The following MAP3K19 variants were observed in gnomAD, a reference collection of about 807,000 sequenced individuals.
MAP3K19 encodes the protein SPS1/STE20-related protein kinase YSK4.
MAP3K19 carries 91 observed loss-of-function variants against 114.4 expected under a neutral mutation model. The observed-to-expected ratio is 0.80, with a 90% CI of 0.67 to 0.95. The LOEUF (loss-of-function observed/expected upper bound fraction) is 0.95, where lower values mean the gene tolerates loss of function less well. Among genes scored for constraint, MAP3K19 ranks in the 40% least tolerant of loss-of-function variants. MAP3K19 has a pLI of 0.00. For synonymous variants in MAP3K19, 518 were observed against 530.5 expected (o/e 0.98, Z 0.32); for missense variants, 1,471 against 1,573.2 (o/e 0.94, Z 1.10).
chr2:134,967,257 T>C (rs192598752), intron 12 of MAP3K19, among the ~76,000 whole-genome samples: 3 of 152,306 alleles, frequency 2.0e-5, no homozygotes, highest in East Asian at 3.9e-4. Context: ...AGCGCCGTAT[T>C]GTCCAAAGTT....
rs1559166816 is a variant in MAP3K19, at chr2:134,999,124, A to T, written c.315-127T>A. 1.8e-6 allele frequency: 2 copies of T among 1,113,636 alleles called. No homozygotes were observed. Among genetic ancestry groups the T allele is most frequent in the Admixed American group, 4.5e-5 (2 of 43,996 alleles). 69.0% of individuals were successfully genotyped at this position (1,113,636 alleles called of 1,614,324 possible). ...ACTTCCAAATGGTGCTGCTGAAAGGAAAGGCTGAATCCTGAGAGGGTAAGA... is the reference window on the plus strand; with the variant it reads ...ACTTCCAAATGGTGCTGCTGAAAGGTAAGGCTGAATCCTGAGAGGGTAAGA... On this transcript the variant is annotated intron_variant, in intron 7 of 12. Transcript: ENST00000392915. This position sits in a 1 kb window ranked among gnomAD's most constrained non-coding sequence, Gnocchi z 4.1.
chr2:135,028,319 G>A (rs1264017592), intron 3 of MAP3K19, among the ~76,000 whole-genome samples: 2 of 152,160 alleles, frequency 1.3e-5, no homozygotes, highest in African/African-American at 2.4e-5. Context: ...ACTTTAGAAG[G>A]CTGAGGCATG....
intron 2 of MAP3K19, among the ~76,000 whole-genome samples, chr2:135,039,607 AC>A (rs1040076247): frequency 7.9e-5 from 12 of 152,104 alleles, no homozygotes; most frequent in Admixed American, 3.3e-4. Flanking sequence ...AAACAAAAAA[AC>A]AAAGTCCCAA....
chr2:134,996,589 G>A (rs1362370703), intron 8 of MAP3K19, among the ~76,000 whole-genome samples: 1 of 152,166 alleles, frequency 6.6e-6, no homozygotes, highest in Non-Finnish European at 1.5e-5. Flanking sequence ...AGAGGAAGGG[G>A]TTTCTAAGAC....
intron 12 of MAP3K19, among the ~76,000 whole-genome samples, chr2:134,969,711 C>A (rs1158905195): frequency 6.6e-6 from 1 of 152,078 alleles, no homozygotes; most frequent in Non-Finnish European, 1.5e-5. Flanking sequence ...AGACCAATAA[C>A]CTGGAGTGTT....
At chr2:135,003,716 G>A (rs567277008) in intron 6 of MAP3K19, among the ~76,000 whole-genome samples, 23 of 152,108 alleles carry the variant, frequency 1.5e-4, no homozygotes, top group African/African-American at 4.6e-4. Context: ...CACCACACCC[G>A]GCTAATTTTG....
At chr2:135,025,924 C>T (rs1426527976) in intron 3 of MAP3K19, among the ~76,000 whole-genome samples, 2 of 152,176 alleles carry the variant, frequency 1.3e-5, no homozygotes, top group African/African-American at 4.8e-5. Context: ...AATGATGAAA[C>T]TTGCTTTACT....
chr2:135,000,063 A>G, intron 6 of MAP3K19, 48 bp from the exon 7 acceptor site: 1 of 1,238,060 alleles, frequency 8.1e-7, no homozygotes, highest in Non-Finnish European at 1.2e-6. Context: ...AATGAATTCC[A>G]GCGGAAAGCG....
Position 134,977,356 on chromosome 2 carries a change from ATTTTT to A in MAP3K19, c.3920+3460_3920+3464del, listed in dbSNP as rs774277347. Among the ~76,000 whole-genome samples, 6 of 86,840 alleles carry A rather than the reference ATTTTT, an allele frequency of 6.9e-5. No individual in the cohort carries two copies. In the South Asian group the frequency reaches 1.4e-3, roughly 20 times the overall value. 57.0% of individuals were successfully genotyped at this position (86,840 alleles called of 152,430 possible). ...ACAACCATGACTTGCTAATTTTTAA[ATTTTT>A]TTTTTTTTTTTTTTTTTTTGAGATG... On this transcript the variant is annotated intron_variant, in intron 12 of 12. Coordinates refer to ENST00000392915, the MANE Select transcript of MAP3K19 (RefSeq NM_025052.5).
intron 12 of MAP3K19, among the ~76,000 whole-genome samples, chr2:134,970,595 C>CTTTT (rs745484871): frequency 9.1e-6 from 1 of 109,572 alleles, no homozygotes; most frequent in Admixed American, 9.2e-5. Context: ...GTTTGAATGC[C>CTTTT]TTTTTTTTTT....
intron 2 of MAP3K19, among the ~76,000 whole-genome samples, chr2:135,032,435 A>G (rs1179900756): frequency 1.3e-5 from 2 of 151,538 alleles, no homozygotes; most frequent in East Asian, 3.9e-4. Context: ...CTCCCCTATG[A>G]TCCAGCAATT....
intron 12 of MAP3K19, among the ~76,000 whole-genome samples, chr2:134,968,493 C>CA (rs1683574910): frequency 1.8e-5 from 2 of 112,116 alleles, no homozygotes; most frequent in Admixed American, 8.4e-5. Context: ...GGGGGGCTGA[C>CA]CCCCCACCTC....
At chr2:134,992,371 A>C (rs554229777) in intron 8 of MAP3K19, among the ~76,000 whole-genome samples, 1 of 152,212 alleles carries the variant, frequency 6.6e-6, no homozygotes, top group African/African-American at 2.4e-5. Flanking sequence ...ACTAGGTAGT[A>C]TAAAACTTAC....
chr2:134,993,661 T>G, intron 8 of MAP3K19, among the ~76,000 whole-genome samples: 1 of 152,356 alleles, frequency 6.6e-6, no homozygotes, highest in East Asian at 1.9e-4. Context: ...AAAAAACGCT[T>G]TCAAGTATTC....
At chr2:134,998,634 G>T in intron 8 of MAP3K19, 104 bp downstream of exon 8, 1 of 1,228,890 alleles carries the variant, frequency 8.1e-7, no homozygotes, top group Middle Eastern at 2.9e-4. Flanking sequence ...TTATTTTCTG[G>T]TATGTTCACT....
intron 5 of MAP3K19, among the ~76,000 whole-genome samples, chr2:135,015,569 T>C (rs1447797182): frequency 6.6e-6 from 1 of 152,234 alleles, no homozygotes; most frequent in Non-Finnish European, 1.5e-5. Context: ...TTTTCTTTTA[T>C]GGCAAGCATT....
chr2:135,030,816 G>A (rs1688361634), intron 2 of MAP3K19, among the ~76,000 whole-genome samples: 1 of 152,166 alleles, frequency 6.6e-6, no homozygotes, highest in African/African-American at 2.4e-5. Context: ...CCAGCTACTG[G>A]GAGGTTGAGG....
At chr2:135,018,281 C>CAAAAAAAG (rs1687722097) in intron 5 of MAP3K19, among the ~76,000 whole-genome samples, 1 of 58,288 alleles carries the variant, frequency 1.7e-5, no homozygotes, top group Admixed American at 2.2e-4. Context: ...GCAACAACAG[C>CAAAAAAAG]AAAAAAAAAA....
At chr2:135,018,281 CAAAAAAAA>C (rs781510594) in intron 5 of MAP3K19, among the ~76,000 whole-genome samples, 4 of 58,278 alleles carry the variant, frequency 6.9e-5, no homozygotes, top group East Asian at 4.8e-4. Context: ...GCAACAACAG[CAAAAAAAA>C]AAAAAAAAAA....
Sources: gnomAD v4.1 joint callset for allele counts (sites outside exome capture counted in the v4.1 genomes callset) on GRCh38, gnomAD v4.1.1 for gene constraint, Gnocchi (gnomAD v3.1) non-coding constraint, MANE v1.5 for transcripts, NCBI Gene and HGNC (gene_info 2026-07-23, HGNC 2026-07-21) for gene names.